Variants in STK3 observed in about 807,000 individuals in gnomAD.
STK3 encodes the protein serine/threonine kinase 3, also known as serine/threonine-protein kinase 3.
In STK3, 41 loss-of-function variants were observed where a neutral mutation model predicts 58.0. The ratio of observed to expected loss-of-function variants is 0.71; its 90% CI spans 0.55 to 0.92. The LOEUF is 0.92. Among genes scored for constraint, STK3 ranks in the 40% least tolerant of loss-of-function variants. STK3 has a pLI of 0.00. For synonymous variants in STK3, 170 were observed against 191.0 expected (o/e 0.89, Z 0.91); for missense variants, 479 against 602.7 (o/e 0.79, Z 2.15).
At chr8:98,429,358 C>T (rs749478032) in intron 3 of STK3, 14 of 1,613,930 alleles carry the variant, frequency 8.7e-6, no homozygotes, top group African/African-American at 5.3e-5. Flanking sequence ...GCAAGCCTGA[C>T]GAACATGAGC....
chr8:98,577,833 G>A (rs887399581), intron 8 of STK3, among the ~76,000 whole-genome samples: 1 of 152,066 alleles, frequency 6.6e-6, no homozygotes, highest in African/African-American at 2.4e-5. Context: ...GATATTTAAA[G>A]CTGAGACTCA....
intron 3 of STK3, among the ~76,000 whole-genome samples, chr8:98,835,248 C>T (rs1401348732): frequency 6.6e-6 from 1 of 152,158 alleles, no homozygotes; most frequent in Non-Finnish European, 1.5e-5. Flanking sequence ...TTTGTTTCTT[C>T]TCAACTCTAG....
chr8:98,580,396 T>C (rs1216472673), intron 7 of STK3, among the ~76,000 whole-genome samples: 1 of 152,242 alleles, frequency 6.6e-6, no homozygotes, highest in East Asian at 1.9e-4. Flanking sequence ...CTAAGCTCTC[T>C]ATCATTCTGA....
At position 98,447,691 on chromosome 8, in the gene STK3, A is replaced by G. The variant is rs1819017288; in HGVS notation, n.186-10483T>C. ...CTATATATAGTATCTATATATTGCA[A>G]TACTATATATAGTATCTATATATTG... On this transcript the variant is annotated intron_variant and non_coding_transcript_variant, in intron 1 of 3. Transcript: ENST00000517832. Among the ~76,000 whole-genome samples the G allele has an allele frequency of 5.4e-5, 8 of 147,278 alleles. 1 individual carries two copies.
At chr8:98,608,759 G>A (rs1816954584) in intron 6 of STK3, among the ~76,000 whole-genome samples, 1 of 152,136 alleles carries the variant, frequency 6.6e-6, no homozygotes, top group South Asian at 2.1e-4. Flanking sequence ...GATGAGCATA[G>A]CTTGATGCAG....
chr8:98,395,653 T>A (rs757329523), intron 3 of STK3, among the ~76,000 whole-genome samples: 6 of 152,206 alleles, frequency 3.9e-5, no homozygotes, highest in African/African-American at 1.4e-4. Context: ...AACAGATAAC[T>A]TTTTTGTTGT....
upstream of STK3, among the ~76,000 whole-genome samples, chr8:98,392,231 G>A (rs1237071706): frequency 2.0e-5 from 3 of 152,100 alleles, no homozygotes; most frequent in Admixed American, 2.0e-4. Context: ...CTTTTACACT[G>A]CCTCAAATTG....
At chr8:98,876,580 C>T (rs746198847) in intron 3 of STK3, among the ~76,000 whole-genome samples, 2 of 152,124 alleles carry the variant, frequency 1.3e-5, no homozygotes, top group Non-Finnish European at 2.9e-5. Context: ...GGAAGGACCA[C>T]AGGAACACTC....
chr8:98,564,277 C>A (rs909787826), intron 8 of STK3, among the ~76,000 whole-genome samples: 1 of 152,130 alleles, frequency 6.6e-6, no homozygotes, highest in Admixed American at 6.6e-5. Flanking sequence ...CGAGAGGCTG[C>A]GACATCATGA....
chr8:98,535,660 T>C (rs1809695189), intron 9 of STK3, among the ~76,000 whole-genome samples: 1 of 152,126 alleles, frequency 6.6e-6, no homozygotes. Flanking sequence ...ACCCAAACCA[T>C]TATTGGAGTA....
chr8:98,769,783 T>C (rs926299658), intron 2 of STK3, among the ~76,000 whole-genome samples: 14 of 152,226 alleles, frequency 9.2e-5, no homozygotes, highest in African/African-American at 3.1e-4. Context: ...GACTATAGAA[T>C]GGGCTGCTGC....
At position 98,928,666 on chromosome 8, in the gene STK3, A is replaced by C. The variant is rs1839896105; in HGVS notation, c.-79+13712T>G. 5.9e-5 allele frequency among the ~76,000 whole-genome samples: 9 copies of C among 152,350 alleles called. No individual in the cohort carries two copies. The South Asian group carries it at 1.9e-3, about 32-fold the overall frequency. On this transcript the variant is annotated intron_variant, in intron 1 of 1. Transcript: ENST00000519420. ...ATCTGGCACATAGTAAGTGCTCATT[A>C]ACCAAGCACCATTCTTTTCTTCTCT...
chr8:98,799,928 AAGG>A (rs1262433780), intron 1 of STK3, among the ~76,000 whole-genome samples: 8 of 152,326 alleles, frequency 5.3e-5, no homozygotes, highest in Admixed American at 3.9e-4. Context: ...ACTGCTGAGA[AAGG>A]AGGACTCTGC....
At chr8:98,729,908 C>T (rs1828051988) in intron 4 of STK3, among the ~76,000 whole-genome samples, 1 of 152,216 alleles carries the variant, frequency 6.6e-6, no homozygotes, top group African/African-American at 2.4e-5. Flanking sequence ...AATTCCAATC[C>T]TTTCTTTCCA....
chr8:98,475,040 A>G (rs1821205969), intron 10 of STK3, among the ~76,000 whole-genome samples: 1 of 152,228 alleles, frequency 6.6e-6, no homozygotes, highest in Admixed American at 6.5e-5. Flanking sequence ...CATCACGGTG[A>G]CATACACATA....
At chr8:98,481,391 T>C (rs1237381884) in intron 10 of STK3, among the ~76,000 whole-genome samples, 1 of 152,182 alleles carries the variant, frequency 6.6e-6, no homozygotes, top group Non-Finnish European at 1.5e-5. Flanking sequence ...AAATGTGTTA[T>C]ATCTATATCA....
At chr8:98,880,329 A>G (rs1240078915), downstream of STK3, 2 of 152,220 alleles carry the variant, frequency 1.3e-5, no homozygotes, top group Non-Finnish European at 2.9e-5. Flanking sequence ...AGAAATGTGC[A>G]TTAAAATGAT....
At chr8:98,475,481 G>A (rs554517494) in intron 10 of STK3, among the ~76,000 whole-genome samples, 10 of 152,254 alleles carry the variant, frequency 6.6e-5, no homozygotes, top group Admixed American at 6.5e-4. Context: ...AGACTGTTCT[G>A]AAGACTAGTT....
At chr8:98,573,555 G>GAAC (rs1813136903) in intron 8 of STK3, among the ~76,000 whole-genome samples, 1 of 152,168 alleles carries the variant, frequency 6.6e-6, no homozygotes, top group South Asian at 2.1e-4. Context: ...GGAGATGTGG[G>GAAC]TGGCAACACA....
Sources: gnomAD v4.1 joint callset for allele counts (sites outside exome capture counted in the v4.1 genomes callset) on GRCh38, gnomAD v4.1.1 for gene constraint, MANE v1.5 for transcripts, NCBI Gene and HGNC (gene_info 2026-07-23, HGNC 2026-07-21) for gene names.